Variants in FGF1 observed in about 807,000 individuals in gnomAD.
FGF1 encodes the protein beta-endothelial cell growth factor.
Under a neutral mutation model 13.4 loss-of-function variants are expected in FGF1, and 9 were observed. The ratio of observed to expected loss-of-function variants is 0.67; its 90% CI spans 0.40 to 1.17. FGF1 has a LOEUF of 1.17. Ranked by LOEUF, FGF1 falls within the 50% of genes most tolerant of loss-of-function variation. The pLI, the probability that FGF1 is intolerant of heterozygous loss-of-function variation, is 0.01. For missense variants in FGF1, 156 were observed against 192.7 expected, an observed-to-expected ratio of 0.81 and a Z score of 1.13; for synonymous variants, 93 against 79.0, an observed-to-expected ratio of 1.18 and a Z score of -0.94.
chr5:142,654,527 G>C (rs545496562), intron 1 of FGF1, among the ~76,000 whole-genome samples: 3 of 152,342 alleles, frequency 2.0e-5, no homozygotes, highest in Non-Finnish European at 4.4e-5. Flanking sequence ...AGGAAGAAAG[G>C]ATGTCTGCCC....
chr5:142,596,443 AT>A lies in FGF1; in HGVS notation c.274-960del, dbSNP rs1381298854. On this transcript the variant is annotated intron_variant, in intron 3 of 3. Coordinates refer to ENST00000337706, the MANE Select transcript of FGF1 (RefSeq NM_000800.5). ...AACATAGCAAGACCCATTCTCTACA[AT>A]TTTTTTTTTTTTAATTAGCTAGGTG... Among the ~76,000 whole-genome samples the A allele has an allele frequency of 5.0e-3, 638 of 127,192 alleles. 24 individuals carry two copies. Among genetic ancestry groups the A allele is most frequent in the African/African-American group, 0.018 (571 of 31,606 alleles). 83.4% of individuals were successfully genotyped at this position (127,192 alleles called of 152,430 possible).
intron 1 of FGF1, among the ~76,000 whole-genome samples, chr5:142,636,940 T>C (rs373614980): frequency 6.6e-6 from 1 of 152,010 alleles, no homozygotes; most frequent in Non-Finnish European, 1.5e-5. Flanking sequence ...TGTGATGTTA[T>C]CAGATTTGCA....
At chr5:142,690,211 C>T (rs1009691409), upstream of FGF1, among the ~76,000 whole-genome samples, 1 of 151,470 alleles carries the variant, frequency 6.6e-6, no homozygotes, top group Admixed American at 6.6e-5. Context: ...GTCCCAGCTA[C>T]TCGGGAGGCT....
At position 142,639,631 on chromosome 5, in the gene FGF1, G is replaced by C. The variant is rs75423665; in HGVS notation, c.-34-25470C>G. Among the ~76,000 whole-genome samples, 924 of 152,034 alleles carry C rather than the reference G, an allele frequency of 6.1e-3. 25 individuals are homozygous for C. The highest frequency in any genetic ancestry group is 0.021 in the African/African-American group (885 of 41,340). On this transcript the variant is annotated intron_variant, in intron 1 of 3. Transcript: ENST00000337706. Reference sequence around the variant, plus strand: ...AGGTTTCAGTTAGACGAAATGAATAGGTTCTAGAGATCTATCGTACAGCAT... The same window carrying C: ...AGGTTTCAGTTAGACGAAATGAATACGTTCTAGAGATCTATCGTACAGCAT...
At chr5:142,644,784 T>C (rs1015903644) in intron 1 of FGF1, among the ~76,000 whole-genome samples, 1 of 152,188 alleles carries the variant, frequency 6.6e-6, no homozygotes, top group Admixed American at 6.5e-5. Context: ...CTTGTGATAG[T>C]CTCTCCATCA....
chr5:142,683,309 C>T (rs551615822), intron 1 of FGF1, among the ~76,000 whole-genome samples: 1 of 152,260 alleles, frequency 6.6e-6, no homozygotes, highest in East Asian at 1.9e-4. Context: ...AGAGCAACTC[C>T]ATCTTGAGTG....
intron 1 of FGF1, among the ~76,000 whole-genome samples, chr5:142,667,805 C>T (rs1033729651): frequency 2.0e-5 from 3 of 152,184 alleles, no homozygotes; most frequent in African/African-American, 7.2e-5. Flanking sequence ...CTTCCAGCCT[C>T]ATCCACATGC....
At chr5:142,654,356 C>T (rs1767786437) in intron 1 of FGF1, among the ~76,000 whole-genome samples, 1 of 152,150 alleles carries the variant, frequency 6.6e-6, no homozygotes, top group African/African-American at 2.4e-5. Context: ...CCTTTTGTAC[C>T]ACCTTCTTGG....
chr5:142,634,217 C>T (rs1178240545), intron 1 of FGF1, among the ~76,000 whole-genome samples: 1 of 151,500 alleles, frequency 6.6e-6, no homozygotes, highest in Non-Finnish European at 1.5e-5. Context: ...AAAAAAACTC[C>T]CTCTAGTGAA....
intron 2 of FGF1, among the ~76,000 whole-genome samples, chr5:142,602,245 C>T (rs892839754): frequency 4.0e-5 from 6 of 151,658 alleles, no homozygotes; most frequent in East Asian, 1.9e-4. Flanking sequence ...GGCGCGATCT[C>T]GGCTCACTGC....
intron 1 of FGF1, among the ~76,000 whole-genome samples, chr5:142,667,560 T>C (rs1221968422): frequency 8.0e-6 from 1 of 125,100 alleles, no homozygotes; most frequent in East Asian, 2.2e-4. Context: ...CACTCCAGCC[T>C]GGGGGACAGA....
At chr5:142,606,344 T>G (rs899238856) in intron 2 of FGF1, among the ~76,000 whole-genome samples, 1 of 150,906 alleles carries the variant, frequency 6.6e-6, no homozygotes, top group Middle Eastern at 3.2e-3. Context: ...AAATCCTTGA[T>G]GAAAATCATA....
At chr5:142,663,021 G>C (rs1769562571) in intron 1 of FGF1, among the ~76,000 whole-genome samples, 1 of 152,026 alleles carries the variant, frequency 6.6e-6, no homozygotes, top group African/African-American at 2.4e-5. Flanking sequence ...ATGGGGTCTT[G>C]CCGTGTTGCC....
intron 2 of FGF1, among the ~76,000 whole-genome samples, chr5:142,691,227 C>T (rs1752162880): frequency 6.6e-6 from 1 of 152,008 alleles, no homozygotes; most frequent in African/African-American, 2.4e-5. Context: ...TCGAGACTAG[C>T]CTGGCCAACA....
rs1386761403 is a variant in FGF1 at position 142,594,370 on chromosome 5, C to T, written c.*920G>A. On this transcript the variant is annotated 3_prime_UTR_variant, in exon 4 of 4. Coordinates refer to ENST00000337706, the MANE Select transcript of FGF1 (RefSeq NM_000800.5). ...GTGTTGGAGAAGCACTGGGCTAGGA[C>T]CCCAAAGCCTCTGCTTACCAGGGGC... 6.6e-6 allele frequency: 1 copy of T among 152,246 alleles called. No homozygotes were observed. The highest frequency in any genetic ancestry group is 1.5e-5 in the Non-Finnish European group (1 of 68,056). The allele number at this position is 152,246 out of a possible 1,614,324, so 9.4% of individuals were successfully genotyped here.
At chr5:142,614,227 G>T in intron 1 of FGF1, 66 bp from the exon 2 acceptor site, 1 of 1,308,904 alleles carries the variant, frequency 7.6e-7, no homozygotes, top group Non-Finnish European at 1.1e-6. Context: ...ACTTTGAAGA[G>T]AGGAAGGACA....
intron 1 of FGF1, among the ~76,000 whole-genome samples, chr5:142,625,313 GACAC>G (rs59813387): frequency 0.24 from 35,826 of 148,092 alleles, 4,590 homozygotes; most frequent in Non-Finnish European, 0.31. Flanking sequence ...ACTACAAGCG[GACAC>G]ACACACACAC....
At chr5:142,643,479 C>T (rs1463769593) in intron 1 of FGF1, among the ~76,000 whole-genome samples, 1 of 152,072 alleles carries the variant, frequency 6.6e-6, no homozygotes, top group Non-Finnish European at 1.5e-5. Flanking sequence ...TTTTAAAATG[C>T]TATATATACC....
At chr5:142,618,162 G>A (rs1301619404) in intron 1 of FGF1, among the ~76,000 whole-genome samples, 1 of 152,122 alleles carries the variant, frequency 6.6e-6, no homozygotes, top group Non-Finnish European at 1.5e-5. Context: ...TGAGATTTGG[G>A]GTACGGGTGA....
Sources: gnomAD v4.1 joint callset for allele counts (sites outside exome capture counted in the v4.1 genomes callset) on GRCh38, gnomAD v4.1.1 for gene constraint, MANE v1.5 for transcripts, NCBI Gene and HGNC (gene_info 2026-07-23, HGNC 2026-07-21) for gene names.